Variants in SENP5 observed in about 807,000 individuals in gnomAD.
SENP5 encodes sentrin-specific protease 5.
SENP5 carries 21 observed loss-of-function variants against 74.2 expected under a neutral mutation model. The observed-to-expected ratio is 0.28, with a 90% confidence interval of 0.20 to 0.41. The LOEUF is 0.41. SENP5 is among the 10% of genes least tolerant of loss of function. The pLI is 1.00. For missense variants in SENP5, 717 were observed against 889.1 expected (o/e 0.81, Z 2.46); for synonymous variants, 311 against 312.7 (o/e 0.99, Z 0.06).
chr3:196,900,213 T>A (rs1436760274), intron 4 of SENP5, 151 bp downstream of exon 4: 3 of 1,164,382 alleles, frequency 2.6e-6, no homozygotes, highest in Admixed American at 5.6e-5. Flanking sequence ...ACGGTTTGAT[T>A]ACTATTGGCA....
intron 8 of SENP5, chr3:196,929,171 A>C (rs1233972552): frequency 1.3e-5 from 2 of 153,838 alleles, no homozygotes; most frequent in African/African-American, 4.8e-5. Flanking sequence ...CCCAAAACAA[A>C]AACCATACTG....
intron 8 of SENP5, 124 bp downstream of exon 8, chr3:196,928,003 G>T: frequency 5.2e-6 from 3 of 576,328 alleles, no homozygotes; most frequent in Non-Finnish European, 9.2e-6. Flanking sequence ...GAGGCTCCAG[G>T]GAGGCAGCTG....
At chr3:196,906,440 A>G (rs1714908343) in intron 6 of SENP5, among the ~76,000 whole-genome samples, 1 of 152,176 alleles carries the variant, frequency 6.6e-6, no homozygotes, top group Admixed American at 6.6e-5. Context: ...GTTTGTATTT[A>G]TATTTTTGGT....
intron 6 of SENP5, 91 bp from the exon 7 acceptor site, chr3:196,923,323 A>G (rs1434467627): frequency 7.0e-7 from 1 of 1,419,420 alleles, no homozygotes; most frequent in Non-Finnish European, 9.4e-7. Context: ...GCCCTTGTGC[A>G]GGTCAAAGGT....
rs1290486383 is a variant in SENP5, at chr3:196,905,498, G to T, written c.1884+1888G>T. 4.6e-5 allele frequency among the ~76,000 whole-genome samples: 7 copies of T among 152,188 alleles called. No homozygotes were observed. The South Asian group carries it at 1.4e-3, about 31-fold the overall frequency. The stretch of plus-strand genomic sequence containing the variant: ...TCTGACCAACAGACTTCAAGTGAGG[G>T]TTCCCATGCCGCCCTCCTTGAATTT... On this transcript the variant is annotated intron_variant, in intron 6 of 9. Transcript: ENST00000323460.
At chr3:196,872,851 C>G (rs955107030) in intron 1 of SENP5, among the ~76,000 whole-genome samples, 1 of 152,096 alleles carries the variant, frequency 6.6e-6, no homozygotes, top group South Asian at 2.1e-4. Context: ...TTGGGCTGTG[C>G]TGTTCTAGTC....
Position 196,899,728 on chromosome 3 carries a change from C to A in SENP5, c.1576C>A (p.Leu526Ile), listed in dbSNP as rs746380233. The change falls in exon 3 of 10, where the codon CTT (leucine) becomes ATT (isoleucine). Residue 526 changes from leucine to isoleucine, a missense_variant. By Grantham distance (5) the Leu-to-Ile change is conservative. Around this residue, in one of 4 missense-constraint regions of SENP5, gnomAD observed 64 missense variants for 100.8 expected, o/e 0.64. Transcript: ENST00000323460. ...SLVPLSEKEV[L>I]GRLKDVFNED... ...GGTTCCACTCAGTGAAAAAGAAGTC[C>A]TTGGAAGATTAAAAGATGTCTTTAA... is the stretch of plus-strand genomic sequence containing the variant. The A allele has an allele frequency of 6.2e-7, 1 of 1,609,714 alleles. No individual in the cohort carries two copies. Among genetic ancestry groups the A allele is most frequent in the South Asian group, 1.1e-5 (1 of 90,970 alleles).
In SENP5 at chr3:196,885,681, C is replaced by T; in HGVS notation, c.500C>T (p.Pro167Leu). 6.2e-7 allele frequency: 1 copy of T among 1,614,162 alleles called. No homozygotes were observed. The highest frequency in any genetic ancestry group is 1.1e-5 in the South Asian group (1 of 91,074). Residue 167 changes from proline to leucine, a missense_variant, in exon 2 of 10, where the codon CCC becomes CTC. Pro to Leu is a moderately conservative substitution (Grantham distance 98). Transcript: ENST00000323460. The stretch of plus-strand genomic sequence containing the variant: ...ACAGACCCACAACCTTCTGACTTTC[C>T]CATGAAGTTCAATGGGGAGAGCCAA... Reference protein sequence around the residue: ...PRTDPQPSDFPMKFNGESQSP... With the variant: ...PRTDPQPSDFLMKFNGESQSP...
At chr3:196,874,267 G>C (rs1416177342) in intron 1 of SENP5, among the ~76,000 whole-genome samples, 1 of 106,388 alleles carries the variant, frequency 9.4e-6, no homozygotes, top group African/African-American at 3.8e-5. Context: ...TGCTTCATCA[G>C]AATTTAAACA....
chr3:196,879,295 A>G (rs911583592), intron 1 of SENP5, among the ~76,000 whole-genome samples: 8 of 152,236 alleles, frequency 5.3e-5, no homozygotes, highest in African/African-American at 1.9e-4. Context: ...AATGGTAGTC[A>G]TAGTTAAGCC....
In SENP5 at chr3:196,930,986, C is replaced by T; in HGVS notation, c.*63C>T. 6.0e-6 allele frequency: 6 copies of T among 1,002,334 alleles called. No individual in the cohort carries two copies. The highest frequency in any genetic ancestry group is 9.6e-6 in the Non-Finnish European group (6 of 628,246). The allele number at this position is 1,002,334 out of a possible 1,614,324, so 62.1% of individuals were successfully genotyped here. ...AGCAGATGGTTTGTTACTTGAATCTCCAAACACTTAGTTGAATTTTTACAG... is the reference window on the plus strand; with the variant it reads ...AGCAGATGGTTTGTTACTTGAATCTTCAAACACTTAGTTGAATTTTTACAG... On this transcript the variant is annotated 3_prime_UTR_variant, in exon 10 of 10. Transcript: ENST00000323460.
At chr3:196,898,808 CG>C (rs1714565805) in intron 2 of SENP5, among the ~76,000 whole-genome samples, 1 of 152,026 alleles carries the variant, frequency 6.6e-6, no homozygotes, top group Non-Finnish European at 1.5e-5. Flanking sequence ...TGATTCCATT[CG>C]AGACCATTCG....
chr3:196,919,453 C>CTACACTGCA, intron 6 of SENP5, among the ~76,000 whole-genome samples: 1 of 152,284 alleles, frequency 6.6e-6, no homozygotes, highest in East Asian at 1.9e-4. Context: ...TGCACTCCAG[C>CTACACTGCA]CTGGGCTACA....
intron 6 of SENP5, among the ~76,000 whole-genome samples, chr3:196,905,824 TG>T (rs1714879918): frequency 6.6e-6 from 1 of 151,980 alleles, no homozygotes; most frequent in East Asian, 1.9e-4. Context: ...CCCTGGTGGT[TG>T]GGGGGTTGGG....
intron 5 of SENP5, among the ~76,000 whole-genome samples, chr3:196,900,983 C>CT (rs1010156839): frequency 4.0e-5 from 6 of 149,898 alleles, no homozygotes; most frequent in Non-Finnish European, 8.9e-5. Context: ...TGGAGAGGGC[C>CT]TTTTTTTGGT....
At chr3:196,868,663 A>G (rs149408977) in intron 1 of SENP5, among the ~76,000 whole-genome samples, 12 of 152,218 alleles carry the variant, frequency 7.9e-5, no homozygotes, top group Admixed American at 7.2e-4. Context: ...GCCGAGGTGA[A>G]ATCCTACCCT....
intron 1 of SENP5, among the ~76,000 whole-genome samples, chr3:196,869,759 C>CAA (rs58745670): frequency 0.54 from 20,401 of 37,718 alleles, 6,163 homozygotes; most frequent in East Asian, 0.8. Context: ...AACTCCGTCT[C>CAA]AAAAAAAAAA....
Position 196,914,550 on chromosome 3 carries a change from C to A in SENP5, c.1885-8864C>A, listed in dbSNP as rs1715271203. The A allele has an allele frequency of 3.8e-5, 4 of 105,326 alleles. No homozygotes were observed. In the South Asian group the frequency reaches 1.4e-3, roughly 36 times the overall value. 6.5% of individuals were successfully genotyped at this position (105,326 alleles called of 1,614,324 possible). A position where few individuals can be genotyped will look rare whatever the true frequency, so the allele number is the denominator to read the frequency against. Reference sequence around the variant, plus strand: ...GCTGAGGCAGGAGCATTACTTGAGCCCAGAGGTTTGCTTTAAAAAAAAAAA... The same window carrying A: ...GCTGAGGCAGGAGCATTACTTGAGCACAGAGGTTTGCTTTAAAAAAAAAAA... On this transcript the variant is annotated intron_variant, in intron 6 of 9. Transcript: ENST00000323460.
In SENP5 at chr3:196,886,681, A is replaced by G. The variant is rs763811367; in HGVS notation, c.1500A>G (p.Ser500=). 9.0e-6 allele frequency: 14 copies of G among 1,559,744 alleles called. No homozygotes were observed. The highest frequency in any genetic ancestry group is 1.0e-5 in the Non-Finnish European group (12 of 1,156,722). Residue 500 remains serine, a synonymous_variant, in exon 2 of 10, where the codon TCA becomes TCG. Transcript: ENST00000323460. Reference sequence around the variant, plus strand: ...CTCCAGTGGATGATGAACAGCTGTCAGTCTGTCTTTCTGGTATGCACTTTT... The same window carrying G: ...CTCCAGTGGATGATGAACAGCTGTCGGTCTGTCTTTCTGGTATGCACTTTT... ...KASPVDDEQL[S]VCLSGFLDEV... is the part of the protein sequence containing the mutation.
Sources: gnomAD v4.1 joint callset for allele counts (sites outside exome capture counted in the v4.1 genomes callset) on GRCh38, gnomAD v4.1.1 for gene constraint, gnomAD v4.1.1 regional missense constraint, MANE v1.5 for transcripts, NCBI Gene and HGNC (gene_info 2026-07-23, HGNC 2026-07-21) for gene names.